Variants in OCA2 observed in about 807,000 individuals in gnomAD.
The protein encoded by OCA2 is OCA2 melanosomal transmembrane protein.
In OCA2, 77 loss-of-function variants were observed where a neutral mutation model predicts 100.2. That is an observed-to-expected ratio of 0.77 (90% CI 0.64 to 0.93). The LOEUF (loss-of-function observed/expected upper bound fraction) is 0.93, where lower values mean the gene tolerates loss of function less well. OCA2 is among the 40% of genes least tolerant of loss of function. The pLI is 0.00. For missense variants in OCA2, 1,062 were observed against 1,089.1 expected (o/e 0.98, Z 0.35); for synonymous variants, 432 against 439.2 (o/e 0.98, Z 0.21).
chr15:27,951,709 G>A, intron 18 of OCA2, 75 bp downstream of exon 18: 4 of 1,104,118 alleles, frequency 3.6e-6, no homozygotes, highest in Non-Finnish European at 4.1e-6. Flanking sequence ...CAAAGTCAGT[G>A]TCTGGGAACA....
At chr15:27,751,490 A>G (rs1330271771), downstream of OCA2, among the ~76,000 whole-genome samples, 1 of 152,242 alleles carries the variant, frequency 6.6e-6, no homozygotes, top group African/African-American at 2.4e-5. Context: ...CAAGAAAAAA[A>G]TACAATTCTT....
At chr15:28,088,321 A>G (rs1370049328) in intron 1 of OCA2, among the ~76,000 whole-genome samples, 1 of 152,254 alleles carries the variant, frequency 6.6e-6, no homozygotes, top group Non-Finnish European at 1.5e-5. Flanking sequence ...AATCATCAAG[A>G]CAATTCTATA....
chr15:27,905,525 T>G (rs2140217224), intron 19 of OCA2, among the ~76,000 whole-genome samples: 1 of 151,620 alleles, frequency 6.6e-6, no homozygotes, highest in African/African-American at 2.4e-5. Flanking sequence ...CCCTGGGAGG[T>G]GCTGTGAGAG....
At chr15:27,792,880 G>T (rs1010739328) in intron 23 of OCA2, among the ~76,000 whole-genome samples, 13 of 152,212 alleles carry the variant, frequency 8.5e-5, no homozygotes, top group South Asian at 2.1e-4. Context: ...AGAGCAGAGG[G>T]GAAAAGCAGC....
chr15:27,814,130 G>A (rs2034185665), intron 23 of OCA2, among the ~76,000 whole-genome samples: 1 of 152,070 alleles, frequency 6.6e-6, no homozygotes, highest in Non-Finnish European at 1.5e-5. Context: ...CCTGATCAAT[G>A]AGAAATGAGG....
intron 16 of OCA2, among the ~76,000 whole-genome samples, chr15:27,956,645 T>A (rs2040232051): frequency 6.6e-6 from 1 of 152,210 alleles, no homozygotes; most frequent in Non-Finnish European, 1.5e-5. Flanking sequence ...CCAAAGTTGG[T>A]CATTCTTTCC....
intron 14 of OCA2, 89 bp from the exon 15 acceptor site, chr15:27,966,911 C>A: frequency 7.0e-7 from 1 of 1,428,330 alleles, no homozygotes; most frequent in South Asian, 1.2e-5. Context: ...GGGTGGATCA[C>A]GAGGTCCGGA....
intron 2 of OCA2, among the ~76,000 whole-genome samples, chr15:28,034,111 C>A (rs1289338637): frequency 1.3e-5 from 2 of 151,974 alleles, no homozygotes; most frequent in Non-Finnish European, 2.9e-5. Flanking sequence ...TAGCAAGACC[C>A]CATCTCTATG....
At chr15:27,897,738 C>T (rs1314723036) in intron 19 of OCA2, among the ~76,000 whole-genome samples, 1 of 152,162 alleles carries the variant, frequency 6.6e-6, no homozygotes, top group Admixed American at 6.5e-5. Flanking sequence ...TGAGAAGCTC[C>T]CAGATCCCAG....
At chr15:27,969,556 C>A (rs1595737566) in intron 14 of OCA2, among the ~76,000 whole-genome samples, 1 of 152,204 alleles carries the variant, frequency 6.6e-6, no homozygotes, top group Non-Finnish European at 1.5e-5. Context: ...CGCCTAAATG[C>A]GCTCTTTCTG....
At chr15:27,966,563 G>C in intron 15 of OCA2, 127 bp downstream of exon 15, 3 of 991,258 alleles carry the variant, frequency 3.0e-6, no homozygotes, top group Non-Finnish European at 4.8e-6. Flanking sequence ...GGTGGACGTG[G>C]AGAGTCACTG....
intron 9 of OCA2, among the ~76,000 whole-genome samples, chr15:28,009,764 G>A (rs1023910836): frequency 1.3e-5 from 2 of 151,362 alleles, no homozygotes; most frequent in South Asian, 4.2e-4. Context: ...TATAGTGTAA[G>A]TTCTCTAACT....
At chr15:27,794,731 C>T (rs896740791) in intron 23 of OCA2, among the ~76,000 whole-genome samples, 22 of 152,132 alleles carry the variant, frequency 1.4e-4, no homozygotes, top group African/African-American at 4.6e-4. Flanking sequence ...TTAAAAATGA[C>T]ATGCTGTTCA....
intron 19 of OCA2, among the ~76,000 whole-genome samples, chr15:27,895,001 AC>A (rs2037627487): frequency 2.0e-5 from 3 of 152,204 alleles, no homozygotes; most frequent in Admixed American, 2.0e-4. Flanking sequence ...TGTGATGATG[AC>A]ACTCATACCA....
At chr15:28,057,861 T>TA (rs1434280254) in intron 2 of OCA2, among the ~76,000 whole-genome samples, 1 of 151,930 alleles carries the variant, frequency 6.6e-6, no homozygotes, top group African/African-American at 2.4e-5. Flanking sequence ...GAGGGGAAAG[T>TA]AAACTGTCCA....
At chr15:27,851,897 T>C (rs1276766388) in intron 21 of OCA2, among the ~76,000 whole-genome samples, 1 of 152,186 alleles carries the variant, frequency 6.6e-6, no homozygotes, top group Non-Finnish European at 1.5e-5. Flanking sequence ...GAGACCAGGA[T>C]GCAGAGAGGC....
chr15:27,745,259 A>G, the OCA2 span, among the ~76,000 whole-genome samples: 406 of 152,320 alleles, frequency 2.7e-3, 5 homozygotes, highest in Middle Eastern at 0.01. Flanking sequence ...TCGTGTGTGT[A>G]TGTATATAGG....
At chr15:28,032,464 T>G (rs1025604445) in intron 2 of OCA2, among the ~76,000 whole-genome samples, 1 of 152,180 alleles carries the variant, frequency 6.6e-6, no homozygotes. Flanking sequence ...CCACCTTTGC[T>G]ATTTCATGCA....
chr15:27,848,000 G>A lies in OCA2; in HGVS notation c.2339-2948C>T, dbSNP rs964643132. ...GCCGGCCCACACTCAAGCTGCAGAT[G>A]CCGCAGGCATCTCCTCACCACGCAT... On this transcript the variant is annotated intron_variant, in intron 22 of 23. Transcript: ENST00000354638. Among the ~76,000 whole-genome samples, 5 of 152,218 alleles carry A rather than the reference G, an allele frequency of 3.3e-5. No individual in the cohort carries two copies. In the South Asian group the frequency reaches 1.0e-3, roughly 32 times the overall value.
Sources: allele counts gnomAD v4.1 joint callset (sites outside exome capture counted in the v4.1 genomes callset), GRCh38; gene constraint gnomAD v4.1.1; transcripts MANE v1.5; gene names NCBI Gene and HGNC (gene_info 2026-07-23, HGNC 2026-07-21).